Variants in U2SURP observed in about 807,000 individuals in gnomAD.
The protein encoded by U2SURP is U2 snRNP associated SURP domain containing, also known as U2 snRNP-associated SURP motif-containing protein.
In U2SURP, 9 loss-of-function variants were observed where a neutral mutation model predicts 144.9. The ratio of observed to expected loss-of-function variants is 0.06; its 90% CI spans 0.04 to 0.11. The LOEUF (loss-of-function observed/expected upper bound fraction) is 0.11, where lower values mean the gene tolerates loss of function less well. Ranked by LOEUF, U2SURP falls within the 10% of genes least tolerant of loss-of-function variation. The pLI is 1.00. For missense variants in U2SURP, 724 were observed against 1,226.7 expected, an observed-to-expected ratio of 0.59 and a Z score of 6.12; for synonymous variants, 408 against 396.8, an observed-to-expected ratio of 1.03 and a Z score of -0.33.
intron 6 of U2SURP, among the ~76,000 whole-genome samples, chr3:143,019,691 G>T (rs1212498677): frequency 6.6e-6 from 1 of 152,154 alleles, no homozygotes; most frequent in African/African-American, 2.4e-5. Context: ...CGTATTTTTG[G>T]CAGTTACTTT....
At chr3:143,016,555 T>G (rs1427938041) in intron 5 of U2SURP, among the ~76,000 whole-genome samples, 184 bp downstream of exon 5, 1 of 152,170 alleles carries the variant, frequency 6.6e-6, no homozygotes, top group Non-Finnish European at 1.5e-5. Context: ...AATGGCCAAG[T>G]GTCAATTAAT....
intron 3 of U2SURP, 27 bp downstream of exon 3, chr3:143,012,380 A>G (rs1478055306): frequency 1.9e-6 from 3 of 1,565,730 alleles, no homozygotes; most frequent in Non-Finnish European, 8.6e-7. Flanking sequence ...TAAGGTAAAG[A>G]TAAGAAAGGA....
intron 1 of U2SURP, among the ~76,000 whole-genome samples, chr3:143,007,273 TTTTTC>T (rs1359530924): frequency 6.6e-5 from 10 of 151,864 alleles, no homozygotes; most frequent in South Asian, 2.1e-4. Flanking sequence ...TCCTTTTGTA[TTTTTC>T]TTTTCTTTTC....
chr3:143,048,447 C>G (rs1578170021), intron 24 of U2SURP, among the ~76,000 whole-genome samples: 1 of 152,190 alleles, frequency 6.6e-6, no homozygotes, highest in Admixed American at 6.5e-5. Context: ...CTTCACACAG[C>G]GATGAACTTA....
chr3:143,002,787 ATAAT>A (rs1935605843), intron 1 of U2SURP, among the ~76,000 whole-genome samples: 4 of 152,372 alleles, frequency 2.6e-5, no homozygotes, highest in African/African-American at 9.6e-5. Context: ...GTACACCAAA[ATAAT>A]TAATTCATAA....
intron 3 of U2SURP, among the ~76,000 whole-genome samples, chr3:143,014,020 T>C (rs1331498866): frequency 1.4e-4 from 21 of 151,802 alleles, no homozygotes; most frequent in Admixed American, 1.4e-3. Flanking sequence ...GCTTTTATTC[T>C]TGTTCTAAGC....
rs1166469507 is a variant in U2SURP at position 143,053,801 on chromosome 3, C to G, written c.2774+7C>G. 1 of 1,570,990 alleles carries G rather than the reference C, an allele frequency of 6.4e-7. No individual in the cohort carries two copies. Among genetic ancestry groups the G allele is most frequent in the Non-Finnish European group, 8.6e-7 (1 of 1,163,152 alleles). On this transcript the variant is annotated splice_region_variant and intron_variant, in intron 26 of 27. Coordinates refer to ENST00000473835, the MANE Select transcript of U2SURP (RefSeq NM_001080415.2). ...CTCCGACAAGGAAGGAAAGGTATAACATTTCTCATATTTAATTGCATATAC... is the reference window on the plus strand; with the variant it reads ...CTCCGACAAGGAAGGAAAGGTATAAGATTTCTCATATTTAATTGCATATAC...
intron 16 of U2SURP, among the ~76,000 whole-genome samples, chr3:143,032,346 C>T (rs1459592102): frequency 6.6e-6 from 1 of 152,306 alleles, no homozygotes; most frequent in African/African-American, 2.4e-5. Flanking sequence ...GCTGGGATTA[C>T]AGGCATGAGC....
chr3:143,005,835 C>T (rs747770285), intron 1 of U2SURP, among the ~76,000 whole-genome samples: 4 of 151,744 alleles, frequency 2.6e-5, no homozygotes, highest in Non-Finnish European at 4.4e-5. Context: ...CCCCTCTACC[C>T]TCCACCCTTT....
At chr3:143,028,674 A>G (rs766522660) in intron 16 of U2SURP, 28 bp downstream of exon 16, 2 of 1,556,798 alleles carry the variant, frequency 1.3e-6, no homozygotes, top group Middle Eastern at 1.7e-4. Flanking sequence ...TCTATTATAT[A>G]TTCAGAAAAG....
intron 24 of U2SURP, among the ~76,000 whole-genome samples, chr3:143,044,074 T>C (rs1337841726): frequency 6.6e-6 from 1 of 152,054 alleles, no homozygotes; most frequent in Non-Finnish European, 1.5e-5. Context: ...TCATCTTGAG[T>C]GTTCATAGTT....
rs1933556411 is a variant in U2SURP at position 143,032,431 on chromosome 3, A to G, written c.1611-353A>G. Among the ~76,000 whole-genome samples, 5 of 152,316 alleles carry G rather than the reference A, an allele frequency of 3.3e-5. No homozygotes were observed. The South Asian group carries it at 1.0e-3, about 32-fold the overall frequency. On this transcript the variant is annotated intron_variant, in intron 16 of 27. Transcript: ENST00000473835. The stretch of plus-strand genomic sequence containing the variant: ...AATCCCAGGCAGAAGTGTTAAAGTA[A>G]TAGACTTCCTTCAAAGAAGGGGAGT...
At chr3:143,038,052 A>C (rs1578151362) in intron 21 of U2SURP, 56 bp from the exon 22 acceptor site, 1 of 1,285,636 alleles carries the variant, frequency 7.8e-7, no homozygotes, top group South Asian at 1.5e-5. Flanking sequence ...CCATGAATGT[A>C]ATACTTCGGG....
chr3:143,056,487 C>G lies in U2SURP; in HGVS notation c.*37C>G. 6.2e-7 allele frequency: 1 copy of G among 1,604,352 alleles called. No individual in the cohort carries two copies. The highest frequency in any genetic ancestry group is 8.5e-7 in the Non-Finnish European group (1 of 1,175,652). On this transcript the variant is annotated 3_prime_UTR_variant, in exon 28 of 28. Transcript: ENST00000473835. ...AAGATGCTGTCACTTATTGGAAATG[C>G]GATTTGTTTTGTGCCTGAACGGTCT... is the stretch of plus-strand genomic sequence containing the variant.
chr3:143,002,495 A>G (rs1935588658), intron 1 of U2SURP: 1 of 152,220 alleles, frequency 6.6e-6, no homozygotes, highest in African/African-American at 2.4e-5. Context: ...TGGGCGGGAC[A>G]TTTAATCGTT....
chr3:143,052,348 C>T (rs1310422097), intron 25 of U2SURP, among the ~76,000 whole-genome samples: 2 of 152,048 alleles, frequency 1.3e-5, no homozygotes, highest in Non-Finnish European at 2.9e-5. Flanking sequence ...GAGCTGAGAT[C>T]GTGCTATTAC....
intron 1 of U2SURP, among the ~76,000 whole-genome samples, chr3:143,005,924 A>G (rs1935806778): frequency 6.6e-6 from 1 of 152,146 alleles, no homozygotes; most frequent in Non-Finnish European, 1.5e-5. Flanking sequence ...TAATATTACA[A>G]ACTATTTGCC....
Position 143,057,643 on chromosome 3 carries a change from T to C in U2SURP, c.*1193T>C, listed in dbSNP as rs985405481. 8 of 151,956 alleles carry C rather than the reference T, an allele frequency of 5.3e-5. No homozygotes were observed. Among genetic ancestry groups the C allele is most frequent in the Admixed American group, 5.2e-4 (8 of 15,262 alleles). 9.4% of individuals were successfully genotyped at this position (151,956 alleles called of 1,614,324 possible). A position where few individuals can be genotyped will look rare whatever the true frequency, so the allele number is the denominator to read the frequency against. Reference sequence around the variant, plus strand: ...AAATATAATAAAGGGTTATGTAGAATTGAACTGACACTATTATTTGTGAAT... The same window carrying C: ...AAATATAATAAAGGGTTATGTAGAACTGAACTGACACTATTATTTGTGAAT... On this transcript the variant is annotated 3_prime_UTR_variant, in exon 28 of 28. Transcript: ENST00000473835.
At chr3:143,002,904 C>T (rs949723337) in intron 1 of U2SURP, among the ~76,000 whole-genome samples, 3 of 152,082 alleles carry the variant, frequency 2.0e-5, no homozygotes, top group African/African-American at 7.3e-5. Context: ...TTTTCCCCCT[C>T]CTCAGTACAT....
Sources: allele counts gnomAD v4.1 joint callset (sites outside exome capture counted in the v4.1 genomes callset), GRCh38; gene constraint gnomAD v4.1.1; transcripts MANE v1.5; gene names NCBI Gene and HGNC (gene_info 2026-07-23, HGNC 2026-07-21).